S100PBP: variants seen among roughly 807,000 people sequenced by gnomAD.
The protein encoded by S100PBP is S100P binding protein.
A neutral mutation model predicts 39.9 loss-of-function variants in S100PBP; 15 were observed. The observed-to-expected ratio is 0.38, with a 90% CI of 0.25 to 0.58. The LOEUF (loss-of-function observed/expected upper bound fraction) is 0.58. Ranked by LOEUF, S100PBP falls within the 20% of genes least tolerant of loss-of-function variation. The probability of loss-of-function intolerance (pLI) is 0.70; values close to 1 mark genes in which losing one functional copy is unlikely to be tolerated. For missense variants in S100PBP, 504 were observed against 487.3 expected (o/e 1.03, Z -0.32); for synonymous variants, 178 against 180.3 (o/e 0.99, Z 0.10).
chr1:32,838,333 C>CAAAAAAAAA (rs770251816), intron 5 of S100PBP, among the ~76,000 whole-genome samples: 2 of 67,866 alleles, frequency 2.9e-5, no homozygotes, highest in South Asian at 4.7e-4. Context: ...GACTCTGTCT[C>CAAAAAAAAA]AAAAAAAAAA....
Position 32,831,079 on chromosome 1 carries a change from C to CAA in S100PBP, c.1024+1025_1024+1026dup, listed in dbSNP as rs35054997. ...TGGGTGACAGAATGAGACTCTGTCT[C>CAA]AAAAAAAAAAAAAATCACTCCATAT... On this transcript the variant is annotated intron_variant, in intron 5 of 6. Transcript: ENST00000373475. Among the ~76,000 whole-genome samples, 329 of 144,892 alleles carry CAA rather than the reference C, an allele frequency of 2.3e-3. 3 individuals carry two copies. Among genetic ancestry groups the CAA allele is most frequent in the Middle Eastern group, 0.018 (5 of 276 alleles).
At chr1:32,817,257 C>G, upstream of S100PBP, 1 of 1,613,922 alleles carries the variant, frequency 6.2e-7, no homozygotes, top group Non-Finnish European at 8.5e-7. Context: ...CTCCGCTACC[C>G]CTGCTTCCCC....
chr1:32,852,261 C>T (rs373108446), intron 5 of S100PBP, among the ~76,000 whole-genome samples: 4 of 151,622 alleles, frequency 2.6e-5, no homozygotes, highest in Admixed American at 6.6e-5. Context: ...TGCAGTGAAC[C>T]GAAATCATGC....
At chr1:32,821,470 C>T (rs905456438) in intron 1 of S100PBP, among the ~76,000 whole-genome samples, 10 of 151,500 alleles carry the variant, frequency 6.6e-5, no homozygotes, top group African/African-American at 2.2e-4. Flanking sequence ...TATAGGTGCG[C>T]GCCACCAAGC....
chr1:32,821,052 G>A (rs1388746419), intron 1 of S100PBP, among the ~76,000 whole-genome samples: 7 of 151,976 alleles, frequency 4.6e-5, no homozygotes, highest in African/African-American at 1.7e-4. Flanking sequence ...CTTTGTCTTA[G>A]GTTGCCATAT....
chr1:32,840,789 T>C (rs764235401), intron 5 of S100PBP, among the ~76,000 whole-genome samples: 24 of 152,196 alleles, frequency 1.6e-4, no homozygotes, highest in Non-Finnish European at 2.8e-4. Context: ...TGAGTAATAA[T>C]GTTGAGCATC....
At chr1:32,842,090 A>G (rs902140479) in intron 5 of S100PBP, among the ~76,000 whole-genome samples, 2 of 149,672 alleles carry the variant, frequency 1.3e-5, no homozygotes, top group African/African-American at 2.5e-5. Flanking sequence ...TCAGAAGGCT[A>G]AGGCAGGAGG....
intron 5 of S100PBP, chr1:32,836,734 C>A: frequency 3.8e-6 from 1 of 260,646 alleles, no homozygotes; most frequent in Non-Finnish European, 6.0e-6. Context: ...TCCTCTGCTG[C>A]CCTCCTGGGT....
chr1:32,826,024 C>A (rs1453880921), intron 2 of S100PBP, 74 bp from the exon 3 acceptor site: 2 of 997,964 alleles, frequency 2.0e-6, no homozygotes, highest in Non-Finnish European at 1.5e-6. Context: ...TAGAACATTA[C>A]CCACATATAG....
chr1:32,843,216 G>T (rs1640200605), intron 5 of S100PBP: 1 of 152,096 alleles, frequency 6.6e-6, no homozygotes, highest in African/African-American at 2.4e-5. Context: ...AGCAAATAAA[G>T]AAATTTTTAC....
intron 1 of S100PBP, 25 bp from the exon 2 acceptor site, chr1:32,825,288 C>A (rs1639274314): frequency 6.6e-6 from 1 of 152,048 alleles, no homozygotes; most frequent in Non-Finnish European, 1.5e-5. Context: ...ATGAGAAGAT[C>A]CTCTAATTTT....
intron 5 of S100PBP, among the ~76,000 whole-genome samples, chr1:32,844,584 C>T (rs1421208314): frequency 2.6e-5 from 4 of 152,064 alleles, no homozygotes; most frequent in East Asian, 3.9e-4. Flanking sequence ...TCAAGTAATA[C>T]TCTTACCTCG....
chr1:32,837,587 A>G lies in S100PBP; in HGVS notation c.1024+7520A>G, dbSNP rs1639891346. ...TCTCAAAAAAAAAAAAAAAAAAGATAATAAGCATATTGGACTAAAAACTTT... is the reference window on the plus strand; with the variant it reads ...TCTCAAAAAAAAAAAAAAAAAAGATGATAAGCATATTGGACTAAAAACTTT... On this transcript the variant is annotated intron_variant, in intron 5 of 6. Coordinates refer to ENST00000373475, the MANE Select transcript of S100PBP (RefSeq NM_022753.4). Among the ~76,000 whole-genome samples the G allele has an allele frequency of 2.0e-5, 3 of 150,786 alleles. No homozygotes were observed. The South Asian group carries it at 6.3e-4, about 32-fold the overall frequency.
chr1:32,820,227 A>C (rs1638985106), intron 1 of S100PBP, among the ~76,000 whole-genome samples: 1 of 144,718 alleles, frequency 6.9e-6, no homozygotes. Context: ...GTTCACTGCA[A>C]CCTCCGCTTC....
intron 4 of S100PBP, 70 bp downstream of exon 4, chr1:32,828,151 G>C: frequency 9.7e-7 from 1 of 1,034,354 alleles, no homozygotes; most frequent in African/African-American, 1.6e-5. Context: ...CCCCTCTCCA[G>C]TTTCCTCTTA....
At chr1:32,841,113 A>G (rs1640072118) in intron 5 of S100PBP, among the ~76,000 whole-genome samples, 1 of 150,792 alleles carries the variant, frequency 6.6e-6, no homozygotes, top group Non-Finnish European at 1.5e-5. Flanking sequence ...GTGAACCGAG[A>G]TTGTGCCACT....
chr1:32,840,330 C>T (rs1210978859), intron 5 of S100PBP, among the ~76,000 whole-genome samples: 1 of 151,454 alleles, frequency 6.6e-6, no homozygotes, highest in East Asian at 2.0e-4. Context: ...ACCATGCCAC[C>T]GCACCTGGCC....
At chr1:32,824,411 A>G (rs1639229172) in intron 1 of S100PBP, among the ~76,000 whole-genome samples, 2 of 152,178 alleles carry the variant, frequency 1.3e-5, no homozygotes, top group Admixed American at 1.3e-4. Flanking sequence ...AAATAATTAT[A>G]GATTAGGTCT....
chr1:32,826,330 T>C lies in S100PBP; in HGVS notation c.231T>C (p.Asp77=). ...PSYEQSSGED[D]GGHVEKGERG... ...ATGAGCAGTCTTCTGGGGAAGATGA[T>C]GGTGGGCATGTTGAGAAGGGAGAAA... The change falls in exon 3 of 7, where the codon GAT becomes GAC. Residue 77 remains aspartate (D), a synonymous_variant. Transcript: ENST00000373475. 1 of 1,614,104 alleles carries C rather than the reference T, an allele frequency of 6.2e-7. No individual in the cohort carries two copies. Among genetic ancestry groups the C allele is most frequent in the Non-Finnish European group, 8.5e-7 (1 of 1,179,996 alleles).
Sources: allele counts gnomAD v4.1 joint callset (sites outside exome capture counted in the v4.1 genomes callset), GRCh38; gene constraint gnomAD v4.1.1; transcripts MANE v1.5; gene names NCBI Gene and HGNC (gene_info 2026-07-23, HGNC 2026-07-21).